The following JADE2 variants were observed in gnomAD, a reference collection of about 807,000 sequenced individuals.
JADE2 encodes the protein jade family PHD finger 2, also known as E3 ubiquitin-protein ligase Jade-2.
In JADE2, 13 loss-of-function variants were observed where a neutral mutation model predicts 85.7. The ratio of observed to expected loss-of-function variants is 0.15; its 90% confidence interval spans 0.10 to 0.24. The LOEUF is 0.24. Among genes scored for constraint, JADE2 ranks in the 10% least tolerant of loss-of-function variants. JADE2 has a pLI of 1.00. For synonymous variants in JADE2, 440 were observed against 456.1 expected, an observed-to-expected ratio of 0.96 and a Z score of 0.45; for missense variants, 846 against 1,115.9, an observed-to-expected ratio of 0.76 and a Z score of 3.45.
chr5:134,563,242 C>G (rs987340753), intron 7 of JADE2, among the ~76,000 whole-genome samples: 1 of 151,336 alleles, frequency 6.6e-6, no homozygotes, highest in Admixed American at 6.6e-5. Context: ...CACTTGAACC[C>G]GAGAGACAGA....
intron 4 of JADE2, 95 bp from the exon 5 acceptor site, chr5:134,559,735 A>G: frequency 7.8e-7 from 1 of 1,284,662 alleles, no homozygotes; most frequent in Non-Finnish European, 1.1e-6. Flanking sequence ...ACACTTGTCC[A>G]TCAGCTCCTG....
chr5:134,566,445 G>C lies in JADE2; in HGVS notation c.1299G>C (p.Leu433=). Residue 433 remains leucine, a synonymous_variant, in exon 9 of 12, where the codon CTG becomes CTC. Coordinates refer to ENST00000681547, the MANE Select transcript of JADE2 (RefSeq NM_001388185.1). This position sits in a 1 kb window ranked among gnomAD's most constrained non-coding sequence, Gnocchi z 6.7. ...LVDFIYQYWK[L]KRKANANQPL... is the part of the protein sequence containing the mutation. Reference sequence around the variant, plus strand: ...ACTTCATCTACCAGTACTGGAAGCTGAAGAGGAAAGCCAATGCCAACCAGC... The same window carrying C: ...ACTTCATCTACCAGTACTGGAAGCTCAAGAGGAAAGCCAATGCCAACCAGC... 6.2e-7 allele frequency: 1 copy of C among 1,613,970 alleles called. No individual in the cohort carries two copies. Among genetic ancestry groups the C allele is most frequent in the Non-Finnish European group, 8.5e-7 (1 of 1,179,944 alleles).
intron 2 of JADE2, among the ~76,000 whole-genome samples, chr5:134,536,360 C>A (rs1006608072): frequency 6.6e-6 from 1 of 152,128 alleles, no homozygotes; most frequent in African/African-American, 2.4e-5. Context: ...CCACTATATC[C>A]CCAGCTACGA....
intron 4 of JADE2, among the ~76,000 whole-genome samples, chr5:134,557,268 A>ATTTTTTTATTTTTT (rs1763021606): frequency 7.3e-6 from 1 of 137,902 alleles, no homozygotes; most frequent in Non-Finnish European, 1.6e-5. Context: ...TTATTTTTTT[A>ATTTTTTTATTTTTT]TTTTTTTTTT....
rs897241244 is a variant in JADE2, at chr5:134,578,424, G to A, written c.1682-70G>A. On this transcript the variant is annotated intron_variant, in intron 11 of 11. Coordinates refer to ENST00000681547, the MANE Select transcript of JADE2 (RefSeq NM_001388185.1). The surrounding 1 kb of genome is among the most constrained non-coding windows in gnomAD (Gnocchi z 4.4). ...CGATGCCTGGTGGTGTGCTGGGAGC[G>A]TCAGTGGGCTTCCTGAAAGGGTGGG... 79 of 1,170,254 alleles carry A rather than the reference G, an allele frequency of 6.8e-5. No homozygotes were observed. The Middle Eastern group carries it at 1.4e-3, about 21-fold the overall frequency. The allele number at this position is 1,170,254 out of a possible 1,614,324, so 72.5% of individuals were successfully genotyped here.
At chr5:134,533,254 A>T (rs1181989795) in intron 1 of JADE2, among the ~76,000 whole-genome samples, 2 of 152,200 alleles carry the variant, frequency 1.3e-5, no homozygotes, top group Non-Finnish European at 2.9e-5. Context: ...ATCTCTAGCC[A>T]CTGTGCTGAG....
chr5:134,552,307 C>T, intron 4 of JADE2, 98 bp downstream of exon 4: 1 of 1,049,784 alleles, frequency 9.5e-7, no homozygotes, highest in South Asian at 1.6e-5. Context: ...GAATTCCTTT[C>T]TAGTCCATCT....
At chr5:134,557,687 A>G (rs1270764047) in intron 4 of JADE2, among the ~76,000 whole-genome samples, 8 of 84,328 alleles carry the variant, frequency 9.5e-5, no homozygotes, top group African/African-American at 3.8e-4. Flanking sequence ...AATTTCATCT[A>G]TGTCCCTACA....
rs73293794 is a variant in JADE2 at position 134,570,901 on chromosome 5, A to G, written c.1435-2744A>G. ...GCCCCTCCCTTTTGAGCTCCACACC[A>G]AGTCCCTTTTAAAGGCCACCGGCAT... On this transcript the variant is annotated intron_variant, in intron 9 of 11. Transcript: ENST00000681547. Among the ~76,000 whole-genome samples the G allele has an allele frequency of 4.2e-3, 646 of 152,216 alleles. 2 individuals carry two copies. The highest frequency in any genetic ancestry group is 0.014 in the African/African-American group (598 of 41,532).
rs909285539 is a variant in JADE2, at chr5:134,525,961, A to C, written c.-51A>C. On this transcript the variant is annotated 5_prime_UTR_variant, in exon 1 of 12. Transcript: ENST00000681547. ...GCATCCTTCCCGCGCCGGTCCCTGC[A>C]GCGGCGCGTAGCCGAGGGCAGCGCC... is the stretch of plus-strand genomic sequence containing the variant. 1.2e-4 allele frequency: 119 copies of C among 985,678 alleles called. No individual in the cohort carries two copies. Among genetic ancestry groups the C allele is most frequent in the Non-Finnish European group, 1.3e-4 (107 of 830,404 alleles). The allele number at this position is 985,678 out of a possible 1,614,324, so 61.1% of individuals were successfully genotyped here. A position where few individuals can be genotyped will look rare whatever the true frequency, so the allele number is the denominator to read the frequency against.
At chr5:134,570,162 G>T (rs1275922580) in intron 9 of JADE2, among the ~76,000 whole-genome samples, 2 of 152,120 alleles carry the variant, frequency 1.3e-5, no homozygotes, top group African/African-American at 4.8e-5. Flanking sequence ...AAATCCCATA[G>T]CGCTGAGCAG....
At chr5:134,544,093 G>C (rs985598302) in intron 3 of JADE2, among the ~76,000 whole-genome samples, 11 of 152,372 alleles carry the variant, frequency 7.2e-5, no homozygotes, top group African/African-American at 2.6e-4. Context: ...CAGGCCAAGC[G>C]GTGGGGGTTT....
chr5:134,535,732 CAGGGCT>C lies in JADE2; in HGVS notation c.1-125_1-120del, dbSNP rs1161172500. On this transcript the variant is annotated intron_variant, in intron 1 of 11. Transcript: ENST00000681547. ...GTGCTGGCAGAGAAGAAGGCTAGGA[CAGGGCT>C]TTATTCTTATCTTTCTGCAGTGTCA... 7 of 767,066 alleles carry C rather than the reference CAGGGCT, an allele frequency of 9.1e-6. No homozygotes were observed. The African/African-American group carries it at 1.0e-4, about 11-fold the overall frequency. The allele number at this position is 767,066 out of a possible 1,614,324, so 47.5% of individuals were successfully genotyped here. A position where few individuals can be genotyped will look rare whatever the true frequency, so the allele number is the denominator to read the frequency against.
At chr5:134,569,851 C>T (rs1439091884) in intron 9 of JADE2, among the ~76,000 whole-genome samples, 1 of 152,164 alleles carries the variant, frequency 6.6e-6, no homozygotes, top group East Asian at 1.9e-4. Context: ...CTCTTCTGCC[C>T]CTGTGCCTTC....
In JADE2 at chr5:134,552,067, T is replaced by C; in HGVS notation, c.169T>C (p.Leu57=). 1 of 1,614,206 alleles carries C rather than the reference T, an allele frequency of 6.2e-7. No homozygotes were observed. Among genetic ancestry groups the C allele is most frequent in the Non-Finnish European group, 8.5e-7 (1 of 1,180,034 alleles). ...KKPSEVFRTD[L]ITAMKIPDSY... The stretch of plus-strand genomic sequence containing the variant: ...CCCCTCACAGGTTTTCCGGACAGAC[T>C]TGATCACAGCCATGAAGATCCCGGA... Residue 57 remains leucine, a synonymous_variant, in exon 4 of 12, where the codon TTG becomes CTG. Transcript: ENST00000681547.
Position 134,579,046 on chromosome 5 carries a change from G to T in JADE2, c.2234G>T (p.Ser745Ile). Residue 745 changes from serine to isoleucine, a missense_variant, in exon 12 of 12, where the codon AGC (serine) becomes ATC (isoleucine). Physicochemically the swap from Ser to Ile is moderately radical, Grantham distance 142 (BLOSUM62 -2). This residue lies in a region of JADE2 where 300 missense variants were observed against 300.7 expected (regional missense o/e 1.00). Coordinates refer to ENST00000681547, the MANE Select transcript of JADE2 (RefSeq NM_001388185.1). The surrounding 1 kb of genome is among the most constrained non-coding windows in gnomAD (Gnocchi z 4.6). ...SDVQVPGPAASPKPLGRLRPP... is the reference protein window; with the variant it reads ...SDVQVPGPAAIPKPLGRLRPP... ...GTCCAAGTGCCTGGCCCTGCAGCAA[G>T]CCCTAAGCCTTTGGGCCGGCTCCGG... The T allele has an allele frequency of 6.2e-7, 1 of 1,614,034 alleles. No individual in the cohort carries two copies. Among genetic ancestry groups the T allele is most frequent in the Non-Finnish European group, 8.5e-7 (1 of 1,180,014 alleles).
In JADE2 at chr5:134,580,381, C is replaced by G. The variant is rs13169499; in HGVS notation, c.*1064C>G. 6.6e-6 allele frequency: 1 copy of G among 151,454 alleles called. No individual in the cohort carries two copies. Among genetic ancestry groups the G allele is most frequent in the East Asian group, 2.0e-4 (1 of 5,114 alleles). The allele number at this position is 151,454 out of a possible 1,614,324, so 9.4% of individuals were successfully genotyped here. A position where few individuals can be genotyped will look rare whatever the true frequency, so the allele number is the denominator to read the frequency against. ...GCCGCTGGGGCTGTTGTAAGTCTTG[C>G]TGGATGTTCCCCTGTTCCTGAGCCT... is the stretch of plus-strand genomic sequence containing the variant. On this transcript the variant is annotated 3_prime_UTR_variant, in exon 12 of 12. Transcript: ENST00000681547.
intron 1 of JADE2, among the ~76,000 whole-genome samples, chr5:134,527,136 C>T (rs1339528386): frequency 2.6e-5 from 4 of 151,416 alleles, no homozygotes; most frequent in Non-Finnish European, 5.9e-5. Context: ...AGCGCTGCTG[C>T]AGTCCCTTTG....
At chr5:134,525,320 C>T (rs919337077), upstream of JADE2, among the ~76,000 whole-genome samples, 2 of 152,012 alleles carry the variant, frequency 1.3e-5, no homozygotes, top group Non-Finnish European at 2.9e-5. Flanking sequence ...TGCACGGGCG[C>T]AGCCGCCGCT....
Sources: allele counts gnomAD v4.1 joint callset (sites outside exome capture counted in the v4.1 genomes callset), GRCh38; gene constraint gnomAD v4.1.1; regional missense constraint gnomAD v4.1.1; non-coding constraint Gnocchi (gnomAD v3.1); transcripts MANE v1.5; gene names NCBI Gene and HGNC (gene_info 2026-07-23, HGNC 2026-07-21).